Variants in MARCHF4 observed in about 807,000 individuals in gnomAD.
MARCHF4 encodes the protein E3 ubiquitin-protein ligase MARCHF4.
A neutral mutation model predicts 43.9 loss-of-function variants in MARCHF4; 14 were observed. The ratio of observed to expected loss-of-function variants is 0.32; its 90% CI spans 0.21 to 0.50. The LOEUF is 0.50. Among genes scored for constraint, MARCHF4 ranks in the 20% least tolerant of loss-of-function variants. MARCHF4 has a pLI of 0.98. For synonymous variants in MARCHF4, 226 were observed against 213.3 expected, an observed-to-expected ratio of 1.06 and a Z score of -0.52; for missense variants, 468 against 536.7, an observed-to-expected ratio of 0.87 and a Z score of 1.27.
Position 216,369,850 on chromosome 2 carries a change from A to G in MARCHF4, c.411T>C (p.Asp137=), listed in dbSNP as rs772605420. The G allele has an allele frequency of 1.2e-6, 2 of 1,614,062 alleles. No homozygotes were observed. The highest frequency in any genetic ancestry group is 2.2e-5 in the South Asian group (2 of 91,084). The change falls in exon 1 of 4, where the codon GAT becomes GAC. Residue 137 remains aspartate, a synonymous_variant. Coordinates refer to ENST00000273067, the MANE Select transcript of MARCHF4 (RefSeq NM_020814.3). ...PASLLSSASS[D]DFCKEKTEDR... is the part of the protein sequence containing the mutation. ...CCTCGGTCTTCTCCTTACAGAAGTCATCTGAGGAGGCACTGCTGAGCAGCG... is the reference window on the plus strand; with the variant it reads ...CCTCGGTCTTCTCCTTACAGAAGTCGTCTGAGGAGGCACTGCTGAGCAGCG...
chr2:216,283,139 C>T (rs1373240679), intron 2 of MARCHF4, among the ~76,000 whole-genome samples: 1 of 152,158 alleles, frequency 6.6e-6, no homozygotes, highest in Non-Finnish European at 1.5e-5. Context: ...CTCCTCACCC[C>T]TCCCACCTTC....
chr2:216,337,910 C>T (rs1031248620), intron 1 of MARCHF4, among the ~76,000 whole-genome samples: 2 of 152,102 alleles, frequency 1.3e-5, no homozygotes, highest in Non-Finnish European at 2.9e-5. Flanking sequence ...GGAAGACACT[C>T]CTAGAAGTTC....
At chr2:216,271,148 T>C (rs1444627200) in intron 3 of MARCHF4, among the ~76,000 whole-genome samples, 1 of 152,208 alleles carries the variant, frequency 6.6e-6, no homozygotes, top group Non-Finnish European at 1.5e-5. Context: ...ATATGACCCA[T>C]GACTCTGTGG....
intron 1 of MARCHF4, among the ~76,000 whole-genome samples, chr2:216,329,813 T>C (rs10932653): frequency 0.99 from 149,731 of 151,358 alleles, 74,089 homozygotes; most frequent in East Asian, 1. Context: ...AGGGCTGGGT[T>C]GAGTGGCTCA....
At chr2:216,271,329 C>G (rs907655729) in intron 3 of MARCHF4, among the ~76,000 whole-genome samples, 3 of 152,206 alleles carry the variant, frequency 2.0e-5, no homozygotes, top group Non-Finnish European at 4.4e-5. Flanking sequence ...CTCTTTCCCC[C>G]TCTTCTGGAT....
intron 1 of MARCHF4, among the ~76,000 whole-genome samples, chr2:216,295,974 T>G (rs1382098276): frequency 6.6e-6 from 1 of 152,116 alleles, no homozygotes; most frequent in Non-Finnish European, 1.5e-5. Flanking sequence ...GGCGAAACCC[T>G]GTTTCTACTA....
chr2:216,306,841 CT>C (rs143894436), intron 1 of MARCHF4, among the ~76,000 whole-genome samples: 1 of 152,004 alleles, frequency 6.6e-6, no homozygotes, highest in East Asian at 1.9e-4. Context: ...TTAAAATCTC[CT>C]TTTTTTTCCC....
At chr2:216,327,563 C>T (rs1201850349) in intron 1 of MARCHF4, among the ~76,000 whole-genome samples, 3 of 152,154 alleles carry the variant, frequency 2.0e-5, no homozygotes, top group African/African-American at 7.2e-5. Context: ...TTTCTGCAAC[C>T]TCTCTCAGTC....
Position 216,298,270 on chromosome 2 carries a change from T to G in MARCHF4, c.517-14541A>C, listed in dbSNP as rs945763053. 3.0e-4 allele frequency among the ~76,000 whole-genome samples: 42 copies of G among 142,200 alleles called. No individual in the cohort carries two copies. In the South Asian group the frequency reaches 7.3e-3, roughly 25 times the overall value. 93.3% of individuals were successfully genotyped at this position (142,200 alleles called of 152,430 possible). ...CAGTCTTTTAGGTTTTTTTTTTTTT[T>G]TTTTTTTTTTTTTTTACAGGGTCTG... On this transcript the variant is annotated intron_variant, in intron 1 of 3. Coordinates refer to ENST00000273067, the MANE Select transcript of MARCHF4 (RefSeq NM_020814.3).
At chr2:216,268,531 G>A (rs918518434) in intron 3 of MARCHF4, among the ~76,000 whole-genome samples, 8 of 152,280 alleles carry the variant, frequency 5.3e-5, no homozygotes, top group African/African-American at 1.9e-4. Context: ...CTGCTGCCTT[G>A]TGAAGAAGGT....
intron 1 of MARCHF4, among the ~76,000 whole-genome samples, chr2:216,291,267 C>T (rs985073829): frequency 6.6e-6 from 1 of 152,114 alleles, no homozygotes; most frequent in Non-Finnish European, 1.5e-5. Context: ...AGTAATGGAC[C>T]TTGTCAAGTG....
intron 1 of MARCHF4, among the ~76,000 whole-genome samples, chr2:216,364,511 A>C (rs1014196702): frequency 1.8e-4 from 28 of 152,062 alleles, no homozygotes; most frequent in African/African-American, 6.8e-4. Context: ...GGGTCAAGGA[A>C]CCTCACCTCT....
intron 1 of MARCHF4, among the ~76,000 whole-genome samples, chr2:216,356,405 T>A (rs190677675): frequency 1.5e-3 from 232 of 152,326 alleles, no homozygotes; most frequent in African/African-American, 5.4e-3. Flanking sequence ...GAACTAATAC[T>A]TCTCAAGAGC....
intron 1 of MARCHF4, among the ~76,000 whole-genome samples, chr2:216,350,321 G>A (rs199522426): frequency 2.4e-5 from 2 of 83,670 alleles, no homozygotes; most frequent in East Asian, 7.9e-4. Context: ...ACCCCTCACT[G>A]TGCCACACCC....
intron 2 of MARCHF4, among the ~76,000 whole-genome samples, chr2:216,280,341 G>A (rs1383310053): frequency 1.3e-5 from 2 of 152,012 alleles, no homozygotes; most frequent in African/African-American, 4.8e-5. Context: ...AAGCGGAAGA[G>A]CACAGAGACT....
intron 1 of MARCHF4, among the ~76,000 whole-genome samples, chr2:216,299,947 T>A (rs573291656): frequency 7.2e-5 from 11 of 152,316 alleles, no homozygotes; most frequent in African/African-American, 2.6e-4. Flanking sequence ...CACTTTTCAA[T>A]GCACAAGCAC....
chr2:216,355,172 A>G (rs781597187), intron 1 of MARCHF4, among the ~76,000 whole-genome samples: 2 of 152,046 alleles, frequency 1.3e-5, no homozygotes, highest in East Asian at 3.9e-4. Flanking sequence ...GGGTTTCACT[A>G]TGTTGGTCAG....
rs1044756387 is a variant in MARCHF4 at position 216,371,999 on chromosome 2, G to A, written c.-1739C>T. On this transcript the variant is annotated 5_prime_UTR_variant, in exon 1 of 4. Coordinates refer to ENST00000273067, the MANE Select transcript of MARCHF4 (RefSeq NM_020814.3). ...GCGGTGCCAGCTGAAGGTGGGGAGGGGGGAGCGAAGCAGTGTGGCCGAGGT... is the reference window on the plus strand; with the variant it reads ...GCGGTGCCAGCTGAAGGTGGGGAGGAGGGAGCGAAGCAGTGTGGCCGAGGT... The A allele has an allele frequency of 1.3e-5, 2 of 152,672 alleles. No individual in the cohort carries two copies. The highest frequency in any genetic ancestry group is 4.8e-5 in the African/African-American group (2 of 41,466). The allele number at this position is 152,672 out of a possible 1,614,324, so 9.5% of individuals were successfully genotyped here.
intron 1 of MARCHF4, among the ~76,000 whole-genome samples, chr2:216,369,488 T>C (rs1239569598): frequency 6.6e-6 from 1 of 152,146 alleles, no homozygotes. Context: ...TTTGTAAAAT[T>C]TGGAGTTGGA....
Sources: gnomAD v4.1 joint callset for allele counts (sites outside exome capture counted in the v4.1 genomes callset) on GRCh38, gnomAD v4.1.1 for gene constraint, MANE v1.5 for transcripts, NCBI Gene and HGNC (gene_info 2026-07-23, HGNC 2026-07-21) for gene names.